ANKRD12: variants seen among roughly 807,000 people sequenced by gnomAD.
ANKRD12 encodes ankyrin repeat domain-containing protein 12.
In ANKRD12, 85 loss-of-function variants were observed where a neutral mutation model predicts 183.4. The ratio of observed to expected loss-of-function variants is 0.46; its 90% confidence interval spans 0.39 to 0.56. The LOEUF is 0.56. Among genes scored for constraint, ANKRD12 ranks in the 20% least tolerant of loss-of-function variants. The pLI is 0.00. For synonymous variants in ANKRD12, 914 were observed against 800.2 expected (o/e 1.14, Z -2.40); for missense variants, 2,405 against 2,357.1 (o/e 1.02, Z -0.42).
intron 8 of ANKRD12, among the ~76,000 whole-genome samples, chr18:9,223,727 A>T (rs568050676): frequency 4.9e-4 from 75 of 152,218 alleles, no homozygotes; most frequent in Non-Finnish European, 9.6e-4. Flanking sequence ...TAGAAATACA[A>T]GATAAAATTA....
In ANKRD12 at chr18:9,182,451, A is replaced by G; in HGVS notation, c.19A>G (p.Thr7Ala). The G allele has an allele frequency of 6.2e-7, 1 of 1,611,622 alleles. No homozygotes were observed. Among genetic ancestry groups the G allele is most frequent in the South Asian group, 1.1e-5 (1 of 90,732 alleles). Reference sequence around the variant, plus strand: ...CTGTAAAATGCCCAAATCTGGGTTCACAAAACCAATTCAGAGTGAAAATTC... The same window carrying G: ...CTGTAAAATGCCCAAATCTGGGTTCGCAAAACCAATTCAGAGTGAAAATTC... MPKSGF[T>A]KPIQSENSDS... is the part of the protein sequence containing the mutation. Residue 7 changes from threonine (T) to alanine (A), a missense_variant, in exon 2 of 13, where the codon ACA becomes GCA. Thr to Ala is a moderately conservative substitution (Grantham distance 58). Coordinates refer to ENST00000262126, the MANE Select transcript of ANKRD12 (RefSeq NM_015208.5).
chr18:9,189,740 C>T (rs1380220709), intron 2 of ANKRD12, among the ~76,000 whole-genome samples: 1 of 152,134 alleles, frequency 6.6e-6, no homozygotes, highest in Non-Finnish European at 1.5e-5. Flanking sequence ...GCATGGTTTC[C>T]TGAATAGATT....
chr18:9,143,554 G>A (rs182840919), intron 1 of ANKRD12, among the ~76,000 whole-genome samples: 13 of 152,290 alleles, frequency 8.5e-5, no homozygotes, highest in African/African-American at 3.1e-4. Context: ...TCCGCCTCCT[G>A]GTTTCAAGCG....
At chr18:9,198,933 T>C (rs2035006499) in intron 3 of ANKRD12, among the ~76,000 whole-genome samples, 1 of 152,122 alleles carries the variant, frequency 6.6e-6, no homozygotes, top group East Asian at 1.9e-4. Context: ...AAAATTGTGT[T>C]GAGTAATATA....
chr18:9,165,246 G>A (rs2031908029), intron 1 of ANKRD12, among the ~76,000 whole-genome samples: 1 of 151,938 alleles, frequency 6.6e-6, no homozygotes, highest in Non-Finnish European at 1.5e-5. Context: ...TCCATTGCTT[G>A]GTAAGTTTTC....
intron 8 of ANKRD12, among the ~76,000 whole-genome samples, chr18:9,249,225 A>G (rs977783875): frequency 6.6e-5 from 10 of 152,142 alleles, no homozygotes; most frequent in African/African-American, 1.4e-4. Context: ...AAGACTTCCA[A>G]ATTCCATAAA....
In ANKRD12 at chr18:9,256,288, A is replaced by G. The variant is rs766187011; in HGVS notation, c.3021A>G (p.Glu1007=). Residue 1007 remains glutamate, a synonymous_variant, in exon 9 of 13, where the codon GAA becomes GAG. Transcript: ENST00000262126. ...CCCTTAAAGAAAAAACAAAAGATGA[A>G]CCTTTGAAAACTCCAGATGGAAAAG... The part of the protein sequence containing the change: ...PLSLKEKTKD[E]PLKTPDGKEK... 7 of 1,604,616 alleles carry G rather than the reference A, an allele frequency of 4.4e-6. No individual in the cohort carries two copies. Among genetic ancestry groups the G allele is most frequent in the Admixed American group, 3.4e-5 (2 of 58,034 alleles).
intron 6 of ANKRD12, 84 bp from the exon 7 acceptor site, chr18:9,216,674 A>G (rs978165697): frequency 4.4e-6 from 6 of 1,365,512 alleles, no homozygotes; most frequent in Admixed American, 4.8e-5. Context: ...TAGAATTTAT[A>G]TGTCACACAT....
intron 11 of ANKRD12, among the ~76,000 whole-genome samples, chr18:9,278,311 G>A (rs552524749): frequency 1.4e-4 from 21 of 152,184 alleles, no homozygotes; most frequent in Middle Eastern, 3.4e-3. Context: ...CTTTTCTTTG[G>A]GTAGAGGCTC....
chr18:9,258,539 T>G lies in ANKRD12; in HGVS notation c.5272T>G (p.Ser1758Ala), dbSNP rs3744822. 6 of 1,613,398 alleles carry G rather than the reference T, an allele frequency of 3.7e-6. No homozygotes were observed. The change falls in exon 9 of 13, where the codon TCA becomes GCA. Residue 1758 changes from serine (S) to alanine (A), a missense_variant. Ser to Ala is a moderately conservative substitution (Grantham distance 99). Transcript: ENST00000262126. ...GATTCTTGCTAGCTGTACACTATTA[T>G]CAGAAAAAGACAGTGAATCCTCATC... ...KQILASCTLL[S>A]EKDSESSSPR...
intron 4 of ANKRD12, among the ~76,000 whole-genome samples, chr18:9,208,442 C>T (rs937717048): frequency 6.6e-6 from 1 of 151,890 alleles, no homozygotes; most frequent in Non-Finnish European, 1.5e-5. Context: ...TTTCTGAAAA[C>T]AGTGGAATTA....
At chr18:9,220,474 G>C (rs1168259913) in intron 7 of ANKRD12, among the ~76,000 whole-genome samples, 1 of 152,176 alleles carries the variant, frequency 6.6e-6, no homozygotes, top group South Asian at 2.1e-4. Flanking sequence ...ATAACACCTG[G>C]CTGCCTCTTT....
At chr18:9,195,347 TATAAA>T (rs2144400842) in intron 2 of ANKRD12, among the ~76,000 whole-genome samples, 199 bp from the exon 3 acceptor site, 1 of 152,192 alleles carries the variant, frequency 6.6e-6, no homozygotes, top group South Asian at 2.1e-4. Context: ...TAAAAATAAA[TATAAA>T]ATTATGTTAT....
At chr18:9,144,791 G>C (rs2078437611) in intron 1 of ANKRD12, among the ~76,000 whole-genome samples, 1 of 151,942 alleles carries the variant, frequency 6.6e-6, no homozygotes, top group Non-Finnish European at 1.5e-5. Context: ...CAAAGATGAT[G>C]ATATTAAAAG....
At chr18:9,155,218 G>A (rs546469439) in intron 1 of ANKRD12, among the ~76,000 whole-genome samples, 2 of 152,176 alleles carry the variant, frequency 1.3e-5, no homozygotes, top group South Asian at 4.1e-4. Flanking sequence ...AGTATTTGCT[G>A]TCACAGCAGA....
intron 8 of ANKRD12, among the ~76,000 whole-genome samples, chr18:9,227,990 C>G (rs2036822617): frequency 6.6e-6 from 1 of 152,146 alleles, no homozygotes; most frequent in Non-Finnish European, 1.5e-5. Context: ...ATCTGTCATT[C>G]TAGTCTCTAT....
At chr18:9,153,525 G>A (rs2029914795) in intron 1 of ANKRD12, among the ~76,000 whole-genome samples, 1 of 152,078 alleles carries the variant, frequency 6.6e-6, no homozygotes, top group African/African-American at 2.4e-5. Flanking sequence ...ATCAAATATT[G>A]AATTTGTCAG....
chr18:9,190,153 T>C (rs572554865), intron 2 of ANKRD12, among the ~76,000 whole-genome samples: 5 of 152,304 alleles, frequency 3.3e-5, no homozygotes, highest in Middle Eastern at 3.4e-3. Flanking sequence ...CATGGATGAC[T>C]GAGAGGGTCA....
chr18:9,174,151 A>C (rs973917895), intron 1 of ANKRD12, among the ~76,000 whole-genome samples: 1 of 152,198 alleles, frequency 6.6e-6, no homozygotes, highest in African/African-American at 2.4e-5. Context: ...GATTCTTGGG[A>C]GCAGGCTAGA....
Sources: allele counts gnomAD v4.1 joint callset (sites outside exome capture counted in the v4.1 genomes callset), GRCh38; gene constraint gnomAD v4.1.1; transcripts MANE v1.5; gene names NCBI Gene and HGNC (gene_info 2026-07-23, HGNC 2026-07-21).